Variants in PIEZO1 observed in about 807,000 individuals in gnomAD.
The protein encoded by PIEZO1 is piezo type mechanosensitive ion channel component 1 (Er blood group), also known as piezo-type mechanosensitive ion channel component 1.
Under a neutral mutation model 297.2 loss-of-function variants are expected in PIEZO1, and 296 were observed. That is an observed-to-expected ratio of 1.00 (90% CI 0.91 to 1.10). The LOEUF is 1.10. PIEZO1 is among the 50% of genes least tolerant of loss of function. The pLI is 0.00. For synonymous variants in PIEZO1, 2,427 were observed against 1,507.5 expected (o/e 1.61, Z -14.13); for missense variants, 5,018 against 3,455.5 (o/e 1.45, Z -11.34).
intron 2 of PIEZO1, 150 bp from the exon 3 acceptor site, chr16:88,742,572 C>T: frequency 1.3e-6 from 1 of 757,618 alleles, no homozygotes; most frequent in Non-Finnish European, 2.1e-6. Context: ...ATCAGGCAGG[C>T]CGGCCAGCCC....
At chr16:88,748,987 C>T (rs1373256964) in intron 2 of PIEZO1, among the ~76,000 whole-genome samples, 2 of 145,328 alleles carry the variant, frequency 1.4e-5, no homozygotes, top group Non-Finnish European at 3.0e-5. Context: ...TCTGTAATCC[C>T]AGCACTTTGG....
At position 88,742,338 on chromosome 16, in the gene PIEZO1, T is replaced by C. The variant is rs377204641; in HGVS notation, c.245A>G (p.His82Arg). 9 of 1,535,380 alleles carry C rather than the reference T, an allele frequency of 5.9e-6. No individual in the cohort carries two copies. The highest frequency in any genetic ancestry group is 1.7e-4 in the Middle Eastern group (1 of 5,940). Reference sequence around the variant, plus strand: ...GAGCTGGTCCAGGCGGGGCACAATATGCAGGCAGATCTGGAGGGCGAGATG... The same window carrying C: ...GAGCTGGTCCAGGCGGGGCACAATACGCAGGCAGATCTGGAGGGCGAGATG... The part of the protein sequence containing the change: ...VAHLALQICL[H>R]IVPRLDQLLG... The change falls in exon 3 of 51, where the codon CAT (histidine) becomes CGT (arginine). Residue 82 changes from histidine (H) to arginine (R), a missense_variant. By Grantham distance (29) the His-to-Arg change is conservative. Coordinates refer to ENST00000301015, the MANE Select transcript of PIEZO1 (RefSeq NM_001142864.4).
Position 88,721,672 on chromosome 16 carries a change from G to A in PIEZO1, c.5269C>T (p.His1757Tyr). 2 of 1,549,886 alleles carry A rather than the reference G, an allele frequency of 1.3e-6. No homozygotes were observed. Among genetic ancestry groups the A allele is most frequent in the East Asian group, 2.4e-5 (1 of 40,900 alleles). ...TTCTCGTAGCGCCGCAGCACCACGTGGCTGTTCCAGGGGAAGAACCCAAAC... is the reference window on the plus strand; with the variant it reads ...TTCTCGTAGCGCCGCAGCACCACGTAGCTGTTCCAGGGGAAGAACCCAAAC... ...FQFGFFPWNS[H>Y]VVLRRYENKP... The change falls in exon 38 of 51, where the codon CAC (histidine) becomes TAC (tyrosine). Residue 1757 changes from histidine to tyrosine, a missense_variant. Coordinates refer to ENST00000301015, the MANE Select transcript of PIEZO1 (RefSeq NM_001142864.4).
In PIEZO1 at chr16:88,724,516, G is replaced by A. The variant is rs958973072; in HGVS notation, c.4234+493C>T. Among the ~76,000 whole-genome samples the A allele has an allele frequency of 3.8e-4, 56 of 146,880 alleles. 1 individual carries two copies. Among genetic ancestry groups the A allele is most frequent in the African/African-American group, 1.4e-3 (54 of 39,338 alleles). ...ATTGCACTGTAGCCTGGGCGACAGG[G>A]CAAGACACCGTCTCCAAAAAAAAAA... is the stretch of plus-strand genomic sequence containing the variant. On this transcript the variant is annotated intron_variant, in intron 30 of 50. Transcript: ENST00000301015.
chr16:88,742,223 G>A (rs1420460806), intron 3 of PIEZO1, 77 bp downstream of exon 3: 2 of 1,495,652 alleles, frequency 1.3e-6, no homozygotes, highest in Admixed American at 2.1e-5. Context: ...ACCCCCCCAG[G>A]AGACTCGGGG....
intron 1 of PIEZO1, among the ~76,000 whole-genome samples, chr16:88,773,055 C>T (rs1026812051): frequency 1.4e-4 from 22 of 152,228 alleles, no homozygotes; most frequent in Non-Finnish European, 7.3e-5. Context: ...AAGCTTCTGG[C>T]ACTCCAGGGA....
At chr16:88,740,735 C>G (rs1288793128) in intron 5 of PIEZO1, 1 of 152,384 alleles carries the variant, frequency 6.6e-6, no homozygotes, top group Non-Finnish European at 1.5e-5. Flanking sequence ...CATCAGCTAT[C>G]TGACGAGTGG....
chr16:88,756,582 A>C (rs1198760813), intron 1 of PIEZO1, among the ~76,000 whole-genome samples: 4 of 151,944 alleles, frequency 2.6e-5, no homozygotes, highest in African/African-American at 9.7e-5. Flanking sequence ...AGCCTGGCCA[A>C]CATGGTGAAA....
intron 2 of PIEZO1, among the ~76,000 whole-genome samples, chr16:88,748,495 C>T (rs61374845): frequency 1.0e-4 from 15 of 150,350 alleles, no homozygotes; most frequent in Admixed American, 7.9e-4. Flanking sequence ...AGCTCCCCCC[C>T]CCCCCCGCAC....
At chr16:88,725,786 T>TAG (rs1904381560) in intron 27 of PIEZO1, 102 bp from the exon 28 acceptor site, 2 of 686,348 alleles carry the variant, frequency 2.9e-6, no homozygotes, top group South Asian at 3.4e-5. Flanking sequence ...AGCCTGCTCC[T>TAG]CTCTGCCCAC....
At chr16:88,725,259 C>T (rs563147027) in intron 29 of PIEZO1, among the ~76,000 whole-genome samples, 157 bp downstream of exon 29, 45 of 152,274 alleles carry the variant, frequency 3.0e-4, no homozygotes, top group African/African-American at 9.4e-4. Flanking sequence ...AGTCACAGGG[C>T]GGCCATGGGG....
intron 44 of PIEZO1, 195 bp from the exon 45 acceptor site, chr16:88,717,406 T>C: frequency 3.1e-6 from 2 of 647,110 alleles, no homozygotes; most frequent in South Asian, 1.7e-5. Context: ...TGTTCAGGGG[T>C]CGTTGATCTT....
Position 88,715,357 on chromosome 16 carries a change from A to G in PIEZO1, c.*248T>C. The stretch of plus-strand genomic sequence containing the variant: ...CTGGCCTCTGATTGTCCATTTGTAT[A>G]AATAAAACATTTTTTAATTAAAAAA... On this transcript the variant is annotated 3_prime_UTR_variant, in exon 51 of 51. Transcript: ENST00000301015. 8.0e-7 allele frequency: 1 copy of G among 1,244,766 alleles called. No homozygotes were observed. The highest frequency in any genetic ancestry group is 1.1e-6 in the Non-Finnish European group (1 of 907,684). The allele number at this position is 1,244,766 out of a possible 1,614,324, so 77.1% of individuals were successfully genotyped here.
At chr16:88,774,477 G>C (rs1317197819) in intron 1 of PIEZO1, among the ~76,000 whole-genome samples, 2 of 152,236 alleles carry the variant, frequency 1.3e-5, no homozygotes, top group Non-Finnish European at 2.9e-5. Context: ...AGCTGTGATA[G>C]CCAGGACAGC....
In PIEZO1 at chr16:88,726,924, G is replaced by A. The variant is rs1272639030; in HGVS notation, c.3490C>T (p.Arg1164Ter). 23 of 1,550,292 alleles carry A rather than the reference G, an allele frequency of 1.5e-5. No homozygotes were observed. Among genetic ancestry groups the A allele is most frequent in the Admixed American group, 2.0e-5 (1 of 50,992 alleles). ...YLDMLKVAVF[R>*]YLFWLVLVVV... ...ACCAGCACCAGCCAGAACAGGTATC[G>A]GAAGACGGCCACCTTCAGCATGTCA... Residue 1164 changes from arginine to a stop codon, truncating the protein, a stop_gained, in exon 25 of 51, where the codon CGA becomes TGA. Transcript: ENST00000301015. LOFTEE classifies it high-confidence loss of function.
chr16:88,715,967 T>C lies in PIEZO1; in HGVS notation c.7282A>G (p.Ser2428Gly). The C allele has an allele frequency of 6.5e-7, 1 of 1,550,016 alleles. No individual in the cohort carries two copies. The highest frequency in any genetic ancestry group is 8.7e-7 in the Non-Finnish European group (1 of 1,146,772). Reference sequence around the variant, plus strand: ...GCCAGGAAGCCGAGGCTCGGTGGGCTGACCTTGTCACTGAAAATGACCATG... The same window carrying C: ...GCCAGGAAGCCGAGGCTCGGTGGGCCGACCTTGTCACTGAAAATGACCATG... ...LPMVIFSDKV[S>G]PPSLGFLAGY... Residue 2428 changes from serine (S) to glycine (G), a missense_variant, in exon 50 of 51, where the codon AGC (serine) becomes GGC (glycine). Ser to Gly is a moderately conservative substitution (Grantham distance 56). Transcript: ENST00000301015.
chr16:88,759,183 A>G (rs1322583870), intron 1 of PIEZO1, among the ~76,000 whole-genome samples: 1 of 152,276 alleles, frequency 6.6e-6, no homozygotes, highest in African/African-American at 2.4e-5. Context: ...CAAAGGAAAC[A>G]GAAGCTGGGA....
Position 88,720,281 on chromosome 16 carries a change from C to T in PIEZO1, c.5952G>A (p.Lys1984=), listed in dbSNP as rs1912336749. ...ACGTGATGTCTGTGGCCGCCGAGTG[C>T]TTCTGTGGCCAGGAGAGCACAGGTC... The part of the protein sequence containing the change: ...IIIFGFWAFG[K]HSAATDITSS... The change falls in exon 42 of 51, where the codon AAG becomes AAA. Residue 1984 remains lysine (K), a splice_region_variant and synonymous_variant. Transcript: ENST00000301015. 2 of 1,550,198 alleles carry T rather than the reference C, an allele frequency of 1.3e-6. No homozygotes were observed. Among genetic ancestry groups the T allele is most frequent in the Non-Finnish European group, 1.7e-6 (2 of 1,146,936 alleles).
Position 88,733,615 on chromosome 16 carries a change from C to T in PIEZO1, c.2460G>A (p.Leu820=), listed in dbSNP as rs1244973921. The T allele has an allele frequency of 8.4e-6, 13 of 1,548,840 alleles. No individual in the cohort carries two copies. The Admixed American group carries it at 2.4e-4, about 28-fold the overall frequency. The change falls in exon 18 of 51, where the codon CTG becomes CTA. Residue 820 remains leucine (L), a synonymous_variant. Coordinates refer to ENST00000301015, the MANE Select transcript of PIEZO1 (RefSeq NM_001142864.4). ...CCTTCAGGGCCACCCAGACGGTGTA[C>T]AGGGCCACCAGCTTGAAAACGTGAA... ...LELHVFKLVA[L]YTVWVALKEV... is the part of the protein sequence containing the mutation.
Sources: gnomAD v4.1 joint callset for allele counts (sites outside exome capture counted in the v4.1 genomes callset) on GRCh38, gnomAD v4.1.1 for gene constraint, MANE v1.5 for transcripts, NCBI Gene and HGNC (gene_info 2026-07-23, HGNC 2026-07-21) for gene names.